The following ABCB10 variants were observed in gnomAD, a reference collection of about 807,000 sequenced individuals.
The protein encoded by ABCB10 is ATP binding cassette subfamily B member 10.
A neutral mutation model predicts 65.4 loss-of-function variants in ABCB10; 54 were observed. The observed-to-expected ratio is 0.83, with a 90% confidence interval of 0.66 to 1.04. The LOEUF is 1.04. Ranked by LOEUF, ABCB10 falls within the 50% of genes least tolerant of loss-of-function variation. The pLI, the probability that ABCB10 is intolerant of heterozygous loss-of-function variation, is 0.00. For missense variants in ABCB10, 846 were observed against 976.6 expected (o/e 0.87, Z 1.78); for synonymous variants, 418 against 406.5 (o/e 1.03, Z -0.34).
At chr1:229,529,320 A>AAAAAAAAAAT (rs1662521813) in intron 8 of ABCB10, among the ~76,000 whole-genome samples, 1 of 141,722 alleles carries the variant, frequency 7.1e-6, no homozygotes, top group Non-Finnish European at 1.5e-5. Context: ...AAAAAAAAAA[A>AAAAAAAAAAT]AAAAAAAAAG....
intron 4 of ABCB10, among the ~76,000 whole-genome samples, chr1:229,541,906 T>A (rs1662855921): frequency 6.8e-6 from 1 of 146,330 alleles, no homozygotes; most frequent in South Asian, 2.1e-4. Flanking sequence ...ACCACTGCGC[T>A]CCAGCCTAGA....
chr1:229,549,585 C>G (rs1663057641), intron 1 of ABCB10, 151 bp from the exon 2 acceptor site: 1 of 754,202 alleles, frequency 1.3e-6, no homozygotes, highest in African/African-American at 1.8e-5. Flanking sequence ...TCCTCGATCT[C>G]TGACTCAAGG....
At chr1:229,531,550 A>T in intron 7 of ABCB10, 86 bp downstream of exon 7, 2 of 1,320,286 alleles carry the variant, frequency 1.5e-6, no homozygotes, top group South Asian at 1.3e-5. Flanking sequence ...CTCATCCCTC[A>T]CTCCCTTGCA....
chr1:229,557,439 C>T (rs952537062), intron 1 of ABCB10, among the ~76,000 whole-genome samples: 1 of 152,008 alleles, frequency 6.6e-6, no homozygotes, highest in Non-Finnish European at 1.5e-5. Flanking sequence ...TTAGAGAAAT[C>T]GAAAAAATTT....
rs1489947834 is a variant in ABCB10, at chr1:229,542,230, C to T, written c.1056+7G>A. The T allele has an allele frequency of 1.2e-6, 2 of 1,613,478 alleles. No homozygotes were observed. The highest frequency in any genetic ancestry group is 1.7e-6 in the Non-Finnish European group (2 of 1,179,824). On this transcript the variant is annotated splice_region_variant and intron_variant, in intron 4 of 12. Coordinates refer to ENST00000344517, the MANE Select transcript of ABCB10 (RefSeq NM_012089.3). Reference sequence around the variant, plus strand: ...TGGAAACCACGCGGACAGGAAGGGGCCTTTACCTGAGTGGCTTGTGCCAGG... The same window carrying T: ...TGGAAACCACGCGGACAGGAAGGGGTCTTTACCTGAGTGGCTTGTGCCAGG...
chr1:229,524,111 T>C (rs1662376681), intron 10 of ABCB10, among the ~76,000 whole-genome samples: 1 of 152,084 alleles, frequency 6.6e-6, no homozygotes, highest in Non-Finnish European at 1.5e-5. Flanking sequence ...CTGCCAGCCT[T>C]CACTGTCACA....
At chr1:229,532,559 A>G (rs1662609539) in intron 6 of ABCB10, among the ~76,000 whole-genome samples, 1 of 151,854 alleles carries the variant, frequency 6.6e-6, no homozygotes, top group Non-Finnish European at 1.5e-5. Flanking sequence ...TACTTATAAT[A>G]CCTCATACAA....
rs1366799775 is a variant in ABCB10, at chr1:229,517,325, ATT to A, written c.*852_*853del. On this transcript the variant is annotated 3_prime_UTR_variant, in exon 13 of 13. Coordinates refer to ENST00000344517, the MANE Select transcript of ABCB10 (RefSeq NM_012089.3). ...CAAAAGTATTATAAAATAAGATTCA[ATT>A]TGTCTTGAAATTATAAATTTGTAAC... The A allele has an allele frequency of 6.6e-6, 1 of 152,226 alleles. No individual in the cohort carries two copies. Among genetic ancestry groups the A allele is most frequent in the African/African-American group, 2.4e-5 (1 of 41,466 alleles). 9.4% of individuals were successfully genotyped at this position (152,226 alleles called of 1,614,324 possible). A position where few individuals can be genotyped will look rare whatever the true frequency, so the allele number is the denominator to read the frequency against.
At chr1:229,552,881 CA>C (rs955549022) in intron 1 of ABCB10, among the ~76,000 whole-genome samples, 25 of 152,266 alleles carry the variant, frequency 1.6e-4, no homozygotes, top group African/African-American at 6.0e-4. Flanking sequence ...CATTCTGCGA[CA>C]AAGCCTGTCT....
intron 11 of ABCB10, 29 bp downstream of exon 11, chr1:229,521,562 TA>T (rs779696259): frequency 6.4e-7 from 1 of 1,570,684 alleles, no homozygotes. Flanking sequence ...ATCCCTAATT[TA>T]AAAAACATCC....
At chr1:229,556,497 G>A (rs917743054) in intron 1 of ABCB10, among the ~76,000 whole-genome samples, 1 of 152,054 alleles carries the variant, frequency 6.6e-6, no homozygotes, top group Non-Finnish European at 1.5e-5. Flanking sequence ...AACACAGTGA[G>A]ACCCCTATCC....
At chr1:229,527,043 T>C (rs747057673) in intron 9 of ABCB10, among the ~76,000 whole-genome samples, 186 bp downstream of exon 9, 7 of 152,090 alleles carry the variant, frequency 4.6e-5, no homozygotes, top group Non-Finnish European at 7.4e-5. Flanking sequence ...TGCTCAAACA[T>C]TTAGGGTTTT....
intron 1 of ABCB10, among the ~76,000 whole-genome samples, chr1:229,552,657 T>C (rs1170810681): frequency 6.6e-6 from 1 of 152,130 alleles, no homozygotes; most frequent in Non-Finnish European, 1.5e-5. Flanking sequence ...AGGGCACCCA[T>C]CTGGTTATAT....
At chr1:229,533,281 G>A (rs1662628757) in intron 6 of ABCB10, among the ~76,000 whole-genome samples, 1 of 151,982 alleles carries the variant, frequency 6.6e-6, no homozygotes, top group Non-Finnish European at 1.5e-5. Context: ...CCCCCACCAT[G>A]CCTGGCTAAT....
At position 229,542,183 on chromosome 1, in the gene ABCB10, C is replaced by A. The variant is rs1018794948; in HGVS notation, c.1056+54G>T. 4 of 1,590,782 alleles carry A rather than the reference C, an allele frequency of 2.5e-6. No homozygotes were observed. The African/African-American group carries it at 4.1e-5, about 16-fold the overall frequency. Reference sequence around the variant, plus strand: ...TCCCTTAGGATCTGCCCTCTAGGATCCTGGCTATGACCCCATTCTGCTGGA... The same window carrying A: ...TCCCTTAGGATCTGCCCTCTAGGATACTGGCTATGACCCCATTCTGCTGGA... On this transcript the variant is annotated intron_variant, in intron 4 of 12. Transcript: ENST00000344517.
At chr1:229,550,973 C>T (rs975158441) in intron 1 of ABCB10, among the ~76,000 whole-genome samples, 2 of 152,122 alleles carry the variant, frequency 1.3e-5, no homozygotes, top group Admixed American at 6.5e-5. Flanking sequence ...TGATGGGGGT[C>T]TCACTATGTT....
chr1:229,521,480 AAAAAAAC>A (rs1662314244), intron 11 of ABCB10, 105 bp downstream of exon 11: 2 of 1,358,094 alleles, frequency 1.5e-6, no homozygotes, highest in Non-Finnish European at 2.0e-6. Flanking sequence ...CAAGAAAAAA[AAAAAAAC>A]AAAAAACAGG....
chr1:229,526,215 C>G, intron 9 of ABCB10, 99 bp from the exon 10 acceptor site: 1 of 1,245,328 alleles, frequency 8.0e-7, no homozygotes, highest in African/African-American at 1.5e-5. Context: ...TTATGTTTTG[C>G]CATGAACAGG....
chr1:229,530,172 G>A (rs377721181), intron 8 of ABCB10, 27 bp downstream of exon 8: 9 of 1,609,684 alleles, frequency 5.6e-6, no homozygotes, highest in East Asian at 2.2e-5. Context: ...AGAGTCCCTC[G>A]GTGCTACAGT....
Sources: allele counts gnomAD v4.1 joint callset (sites outside exome capture counted in the v4.1 genomes callset), GRCh38; gene constraint gnomAD v4.1.1; transcripts MANE v1.5; gene names NCBI Gene and HGNC (gene_info 2026-07-23, HGNC 2026-07-21).